Variants in NXPH2 observed in about 807,000 individuals in gnomAD.
The protein encoded by NXPH2 is neurexophilin-2.
A neutral mutation model predicts 19.8 loss-of-function variants in NXPH2; 5 were observed. That is an observed-to-expected ratio of 0.25 (90% CI 0.13 to 0.53). NXPH2 has a LOEUF of 0.53. NXPH2 is among the 20% of genes least tolerant of loss of function. NXPH2 has a pLI of 0.96. For missense variants in NXPH2, 289 were observed against 322.8 expected, an observed-to-expected ratio of 0.90 and a Z score of 0.80; for synonymous variants, 154 against 127.4, an observed-to-expected ratio of 1.21 and a Z score of -1.41.
intron 1 of NXPH2, among the ~76,000 whole-genome samples, chr2:138,715,510 A>C (rs533622718): frequency 4.6e-5 from 7 of 152,318 alleles, no homozygotes; most frequent in African/African-American, 1.4e-4. Context: ...CCTGCTTATC[A>C]GGGTAAATAA....
chr2:138,721,476 T>C (rs1457740023), intron 1 of NXPH2, among the ~76,000 whole-genome samples: 1 of 152,070 alleles, frequency 6.6e-6, no homozygotes, highest in Non-Finnish European at 1.5e-5. Context: ...TTGTTTTTTT[T>C]TAATGGAGCA....
intron 1 of NXPH2, among the ~76,000 whole-genome samples, chr2:138,694,244 T>C (rs1053764421): frequency 1.3e-5 from 2 of 152,208 alleles, no homozygotes; most frequent in African/African-American, 2.4e-5. Context: ...GAGGAACTGT[T>C]GTTTACACAA....
intron 1 of NXPH2, among the ~76,000 whole-genome samples, chr2:138,767,860 G>A (rs970442316): frequency 1.3e-5 from 2 of 151,924 alleles, no homozygotes; most frequent in African/African-American, 4.8e-5. Flanking sequence ...TGGATTTTCT[G>A]GATTTATCCT....
chr2:138,755,944 T>C lies in NXPH2; in HGVS notation c.51+24247A>G, dbSNP rs942715411. On this transcript the variant is annotated intron_variant, in intron 1 of 1. Coordinates refer to ENST00000272641, the MANE Select transcript of NXPH2 (RefSeq NM_007226.3). ...ATATTTTTTGGTGCCATTGTAAAAC[T>C]GGATGTTTCAGATTTCAAATTCCAG... Among the ~76,000 whole-genome samples, 16 of 152,120 alleles carry C rather than the reference T, an allele frequency of 1.1e-4. No individual in the cohort carries two copies. The East Asian group carries it at 3.1e-3, about 29-fold the overall frequency.
intron 1 of NXPH2, among the ~76,000 whole-genome samples, chr2:138,776,413 G>T (rs1682263158): frequency 6.6e-6 from 1 of 151,944 alleles, no homozygotes; most frequent in South Asian, 2.1e-4. Flanking sequence ...TGTATGGAAG[G>T]CATTCACAAC....
At chr2:138,739,888 A>G (rs886480085) in intron 1 of NXPH2, among the ~76,000 whole-genome samples, 1 of 152,328 alleles carries the variant, frequency 6.6e-6, no homozygotes, top group African/African-American at 2.4e-5. Context: ...AAAAAATAGA[A>G]GTAGGGAGGC....
intron 1 of NXPH2, among the ~76,000 whole-genome samples, chr2:138,746,245 C>A (rs1428372521): frequency 6.6e-6 from 1 of 152,240 alleles, no homozygotes. Flanking sequence ...TTCTTCACAG[C>A]TCCCATCAAT....
rs1243678038 is a variant in NXPH2 at position 138,670,202 on chromosome 2, A to G, written c.*720T>C. ...GTCTAAAAACATCATGATTTTTGTT[A>G]TCGTTCAACAAACTTATTCTCAGAT... On this transcript the variant is annotated 3_prime_UTR_variant, in exon 2 of 2. Coordinates refer to ENST00000272641, the MANE Select transcript of NXPH2 (RefSeq NM_007226.3). Among the ~76,000 whole-genome samples the G allele has an allele frequency of 1.3e-5, 2 of 152,214 alleles. No homozygotes were observed. Among genetic ancestry groups the G allele is most frequent in the Admixed American group, 1.3e-4 (2 of 15,278 alleles).
At chr2:138,719,596 T>TATG (rs1681244904) in intron 1 of NXPH2, among the ~76,000 whole-genome samples, 1 of 152,192 alleles carries the variant, frequency 6.6e-6, no homozygotes, top group African/African-American at 2.4e-5. Flanking sequence ...GGCAGGGAGC[T>TATG]ATGGCTCATG....
intron 1 of NXPH2, among the ~76,000 whole-genome samples, chr2:138,769,284 G>A (rs1306404207): frequency 6.6e-6 from 1 of 152,162 alleles, no homozygotes; most frequent in Non-Finnish European, 1.5e-5. Flanking sequence ...GACTTGGAAG[G>A]AAATTTCATA....
In NXPH2 at chr2:138,780,236, G is replaced by A; in HGVS notation, c.6C>T (p.Arg2=). The change falls in exon 1 of 2, where the codon CGC becomes CGT. Residue 2 remains arginine, a synonymous_variant. Transcript: ENST00000272641. ...CCACCACGAGGGGCAGCGGCCGCAG[G>A]CGCATGGTGCCGGCTGGCGCGGCTT... M[R]LRPLPLVVVP... 6.9e-7 allele frequency: 1 copy of A among 1,455,298 alleles called. No homozygotes were observed. The highest frequency in any genetic ancestry group is 9.0e-7 in the Non-Finnish European group (1 of 1,113,954). The allele number at this position is 1,455,298 out of a possible 1,614,324, so 90.1% of individuals were successfully genotyped here.
chr2:138,753,433 G>A (rs1681855422), intron 1 of NXPH2, among the ~76,000 whole-genome samples: 1 of 152,014 alleles, frequency 6.6e-6, no homozygotes, highest in African/African-American at 2.4e-5. Context: ...TCTAGAATCA[G>A]TCATTTCTCC....
chr2:138,751,548 C>T (rs151219903), intron 1 of NXPH2, among the ~76,000 whole-genome samples: 3 of 152,114 alleles, frequency 2.0e-5, no homozygotes, highest in African/African-American at 4.8e-5. Flanking sequence ...TTTCCTTTTA[C>T]CTCCTTAAAA....
At chr2:138,762,652 T>G (rs552118944) in intron 1 of NXPH2, among the ~76,000 whole-genome samples, 176 of 152,330 alleles carry the variant, frequency 1.2e-3, no homozygotes, top group African/African-American at 3.9e-3. Flanking sequence ...AAGTTGTTCC[T>G]GGATGAAAAT....
At position 138,679,622 on chromosome 2, in the gene NXPH2, A is replaced by C. The variant is rs1041667056; in HGVS notation, c.52-7957T>G. The stretch of plus-strand genomic sequence containing the variant: ...TCCATGTTGTTCATGCTGGTCTCAA[A>C]CTCCAGACCTCAGGTGATCCACCCG... On this transcript the variant is annotated intron_variant, in intron 1 of 1. Coordinates refer to ENST00000272641, the MANE Select transcript of NXPH2 (RefSeq NM_007226.3). Among the ~76,000 whole-genome samples the C allele has an allele frequency of 1.5e-4, 23 of 151,386 alleles. 1 individual carries two copies. In the South Asian group the frequency reaches 4.8e-3, roughly 32 times the overall value.
chr2:138,714,772 A>G (rs908539188), intron 1 of NXPH2, among the ~76,000 whole-genome samples: 1 of 152,256 alleles, frequency 6.6e-6, no homozygotes, highest in African/African-American at 2.4e-5. Context: ...GCAAAAGAAC[A>G]CAAGAGCAAA....
intron 1 of NXPH2, among the ~76,000 whole-genome samples, chr2:138,692,869 C>T (rs768651131): frequency 5.3e-5 from 8 of 152,176 alleles, no homozygotes; most frequent in Non-Finnish European, 1.2e-4. Flanking sequence ...TTCTTATACT[C>T]TGTCTCGAAA....
chr2:138,736,584 T>C (rs1681542675), intron 1 of NXPH2, among the ~76,000 whole-genome samples: 1 of 152,226 alleles, frequency 6.6e-6, no homozygotes, highest in Non-Finnish European at 1.5e-5. Context: ...GGGGCTGCCA[T>C]GAAGACCTCT....
intron 1 of NXPH2, among the ~76,000 whole-genome samples, chr2:138,739,321 T>C (rs1343273055): frequency 6.6e-6 from 1 of 152,080 alleles, no homozygotes; most frequent in African/African-American, 2.4e-5. Flanking sequence ...CAGACATATA[T>C]AAACAACCAC....
Sources: allele counts gnomAD v4.1 joint callset (sites outside exome capture counted in the v4.1 genomes callset), GRCh38; gene constraint gnomAD v4.1.1; transcripts MANE v1.5; gene names NCBI Gene and HGNC (gene_info 2026-07-23, HGNC 2026-07-21).